CCR6: variants seen among roughly 807,000 people sequenced by gnomAD.
CCR6 encodes C-C chemokine receptor type 6.
CCR6 carries 2 observed loss-of-function variants against 3.0 expected under a neutral mutation model. That is an observed-to-expected ratio of 0.66 (90% CI 0.27 to 2.07). CCR6 has a LOEUF of 2.07. CCR6 is among the 30% of genes most tolerant of loss of function. CCR6 has a pLI of 0.14. For synonymous variants in CCR6, 193 were observed against 184.3 expected (o/e 1.05, Z -0.38); for missense variants, 322 against 462.8 (o/e 0.70, Z 2.79).
At chr6:167,123,941 G>A (rs544660041) in intron 1 of CCR6, among the ~76,000 whole-genome samples, 3 of 152,194 alleles carry the variant, frequency 2.0e-5, no homozygotes, top group African/African-American at 2.4e-5. Flanking sequence ...GTAAAATCCC[G>A]TCTCTACTAA....
chr6:167,124,324 A>C (rs1357519191), intron 1 of CCR6, among the ~76,000 whole-genome samples: 4 of 151,898 alleles, frequency 2.6e-5, no homozygotes, highest in African/African-American at 9.7e-5. Context: ...GGGAAAACAA[A>C]AAAAAAATCA....
rs1230781685 is a variant in CCR6, at chr6:167,138,056, C to A, written c.*701C>A. The A allele has an allele frequency of 6.6e-6, 1 of 152,344 alleles. No homozygotes were observed. The highest frequency in any genetic ancestry group is 2.4e-5 in the African/African-American group (1 of 41,442). 9.4% of individuals were successfully genotyped at this position (152,344 alleles called of 1,614,324 possible). ...TTGTAGTGGGCCATTAGGAAACTGTCGGTTTGCTTTGATTTCCCTGGGAGC... is the reference window on the plus strand; with the variant it reads ...TTGTAGTGGGCCATTAGGAAACTGTAGGTTTGCTTTGATTTCCCTGGGAGC... On this transcript the variant is annotated 3_prime_UTR_variant, in exon 3 of 3. Transcript: ENST00000341935.
intron 1 of CCR6, among the ~76,000 whole-genome samples, chr6:167,131,987 C>A (rs1781776042): frequency 6.6e-6 from 1 of 152,178 alleles, no homozygotes; most frequent in African/African-American, 2.4e-5. Context: ...CCAACCCCAG[C>A]CAATCCCTTC....
chr6:167,114,186 C>T (rs950970491), intron 1 of CCR6, among the ~76,000 whole-genome samples: 2 of 152,376 alleles, frequency 1.3e-5, no homozygotes, highest in South Asian at 2.1e-4. Context: ...TCTCCCTCCT[C>T]ACCTTCCCTT....
chr6:167,132,565 G>C (rs563555914), intron 1 of CCR6, among the ~76,000 whole-genome samples: 121 of 152,162 alleles, frequency 8.0e-4, no homozygotes, highest in African/African-American at 2.8e-3. Flanking sequence ...GTTTTGGACG[G>C]AGTCTCTCTC....
intron 1 of CCR6, among the ~76,000 whole-genome samples, chr6:167,113,790 T>G (rs1025397140): frequency 1.3e-5 from 2 of 152,208 alleles, no homozygotes; most frequent in African/African-American, 4.8e-5. Flanking sequence ...ACAGTAAATA[T>G]GCAGCGCATC....
rs1332139325 is a variant in CCR6 at position 167,136,885 on chromosome 6, C to G, written c.655C>G (p.Leu219Val). Residue 219 changes from leucine (L) to valine (V), a missense_variant, in exon 3 of 3, where the codon CTA becomes GTA. Coordinates refer to ENST00000341935, the MANE Select transcript of CCR6 (RefSeq NM_031409.4). This position sits in a 1 kb window ranked among gnomAD's most constrained non-coding sequence, Gnocchi z 4.6. ...RWKLLMLGLE[L>V]LFGFFIPLMF... ...GAAGCTGCTGATGTTGGGGCTTGAG[C>G]TACTCTTTGGTTTCTTTATCCCTTT... 6.2e-7 allele frequency: 1 copy of G among 1,614,188 alleles called. No homozygotes were observed. Among genetic ancestry groups the G allele is most frequent in the Non-Finnish European group, 8.5e-7 (1 of 1,180,036 alleles).
upstream of CCR6, chr6:167,121,606 G>T (rs1243907966): frequency 1.3e-5 from 2 of 152,442 alleles, no homozygotes; most frequent in Non-Finnish European, 2.9e-5. Flanking sequence ...GGTCGTAAGA[G>T]CAGAGGGGAG....
At position 167,136,918 on chromosome 6, in the gene CCR6, A is replaced by C. The variant is rs1282727315; in HGVS notation, c.688A>C (p.Met230Leu). The change falls in exon 3 of 3, where the codon ATG (methionine) becomes CTG (leucine). Residue 230 changes from methionine to leucine, a missense_variant. By Grantham distance (15) the Met-to-Leu change is conservative (BLOSUM62 2). Transcript: ENST00000341935. The surrounding 1 kb of genome is among the most constrained non-coding windows in gnomAD (Gnocchi z 4.6). ...TGGTTTCTTTATCCCTTTGATGTTC[A>C]TGATATTTTGTTACACGTTCATTGT... ...LFGFFIPLMFMIFCYTFIVKT... is the reference protein window; with the variant it reads ...LFGFFIPLMFLIFCYTFIVKT... 6.2e-7 allele frequency: 1 copy of C among 1,614,180 alleles called. No individual in the cohort carries two copies. The highest frequency in any genetic ancestry group is 1.3e-5 in the African/African-American group (1 of 75,040).
intron 1 of CCR6, chr6:167,135,028 G>A (rs1002657826): frequency 1.3e-5 from 2 of 152,320 alleles, no homozygotes; most frequent in Admixed American, 1.3e-4. Flanking sequence ...TCTTCAGCCT[G>A]GACCCATGCA....
At chr6:167,132,799 C>A (rs2114933651) in intron 1 of CCR6, among the ~76,000 whole-genome samples, 1 of 152,320 alleles carries the variant, frequency 6.6e-6, no homozygotes, top group South Asian at 2.1e-4. Flanking sequence ...CCTCGGCCTC[C>A]CAAATTGCTG....
chr6:167,131,994 C>T (rs1781776165), intron 1 of CCR6, among the ~76,000 whole-genome samples: 1 of 152,170 alleles, frequency 6.6e-6, no homozygotes, highest in Non-Finnish European at 1.5e-5. Context: ...CAGCCAATCC[C>T]TTCTTCCCGT....
intron 1 of CCR6, chr6:167,115,925 T>C (rs1397036145): frequency 2.6e-5 from 4 of 152,218 alleles, no homozygotes; most frequent in Admixed American, 6.5e-5. Flanking sequence ...TATAATGTCA[T>C]GGTCAGGGTT....
At chr6:167,133,109 G>T (rs933898628) in intron 1 of CCR6, among the ~76,000 whole-genome samples, 5 of 152,132 alleles carry the variant, frequency 3.3e-5, no homozygotes, top group Non-Finnish European at 7.4e-5. Context: ...AAGAGCAGAA[G>T]TTTTACATTT....
intron 1 of CCR6, among the ~76,000 whole-genome samples, chr6:167,124,990 C>T (rs1781648963): frequency 6.6e-6 from 1 of 152,208 alleles, no homozygotes; most frequent in African/African-American, 2.4e-5. Context: ...ATGTGCACAC[C>T]TATATACACA....
At chr6:167,125,369 T>C (rs930806485) in intron 1 of CCR6, among the ~76,000 whole-genome samples, 8 of 152,260 alleles carry the variant, frequency 5.3e-5, no homozygotes, top group African/African-American at 1.9e-4. Context: ...GGATGATCAA[T>C]GGCAGTCGGT....
intron 1 of CCR6, among the ~76,000 whole-genome samples, chr6:167,123,529 G>A (rs1268643664): frequency 1.3e-5 from 2 of 152,200 alleles, no homozygotes; most frequent in Admixed American, 6.5e-5. Flanking sequence ...GTCTGGAGAG[G>A]AATGTGATTC....
At chr6:167,120,940 A>G (rs1582993558), upstream of CCR6, 2 of 152,284 alleles carry the variant, frequency 1.3e-5, no homozygotes, top group African/African-American at 4.8e-5. Flanking sequence ...TTGACTTGGA[A>G]CTACAGAAGG....
At chr6:167,131,187 C>T (rs1274900473) in intron 1 of CCR6, 1 of 152,260 alleles carries the variant, frequency 6.6e-6, no homozygotes, top group African/African-American at 2.4e-5. Context: ...TATATAATTA[C>T]TTGTTTACCT....
Sources: allele counts gnomAD v4.1 joint callset (sites outside exome capture counted in the v4.1 genomes callset), GRCh38; gene constraint gnomAD v4.1.1; non-coding constraint Gnocchi (gnomAD v3.1); transcripts MANE v1.5; gene names NCBI Gene and HGNC (gene_info 2026-07-23, HGNC 2026-07-21).